Variants in RPGRIP1L observed in about 807,000 individuals in gnomAD.
RPGRIP1L encodes the protein RPGRIP1 like, also known as protein fantom.
A neutral mutation model predicts 160.4 loss-of-function variants in RPGRIP1L; 131 were observed. That is an observed-to-expected ratio of 0.82 (90% CI 0.71 to 0.94). The LOEUF is 0.94. Among genes scored for constraint, RPGRIP1L ranks in the 40% least tolerant of loss-of-function variants. RPGRIP1L has a pLI of 0.00. For missense variants in RPGRIP1L, 1,522 were observed against 1,535.8 expected (o/e 0.99, Z 0.15); for synonymous variants, 510 against 515.8 (o/e 0.99, Z 0.15).
chr16:53,645,729 G>C lies in RPGRIP1L; in HGVS notation c.2579C>G (p.Ser860Cys), dbSNP rs768030202. The change falls in exon 17 of 27, where the codon TCT becomes TGT. Residue 860 changes from serine to cysteine, a missense_variant. Ser to Cys is a moderately radical substitution (Grantham distance 112). Coordinates refer to ENST00000647211, the MANE Select transcript of RPGRIP1L (RefSeq NM_015272.5). The part of the protein sequence containing the change: ...MDLDRYLKSE[S>C]LSFYVFDDSD... ...ATCATCAAAAACATAAAAACTCAGA[G>C]ACTCTGACTTAAGGTATCGATCCAA... is the stretch of plus-strand genomic sequence containing the variant. The C allele has an allele frequency of 1.2e-6, 2 of 1,614,022 alleles. No individual in the cohort carries two copies. Among genetic ancestry groups the C allele is most frequent in the Non-Finnish European group, 1.7e-6 (2 of 1,179,992 alleles).
In RPGRIP1L at chr16:53,658,889, A is replaced by G. The variant is rs759182756; in HGVS notation, c.1244-11T>C. The G allele has an allele frequency of 4.0e-6, 6 of 1,498,882 alleles. No homozygotes were observed. The allele number at this position is 1,498,882 out of a possible 1,614,324, so 92.8% of individuals were successfully genotyped here. A position where few individuals can be genotyped will look rare whatever the true frequency, so the allele number is the denominator to read the frequency against. ...GTTTTTCATTTTGATCTTAAAAATA[A>G]AGTCCACACAATTGGAAAGGTAAGT... On this transcript the variant is annotated splice_polypyrimidine_tract_variant and intron_variant, in intron 10 of 26. Coordinates refer to ENST00000647211, the MANE Select transcript of RPGRIP1L (RefSeq NM_015272.5).
intron 10 of RPGRIP1L, among the ~76,000 whole-genome samples, chr16:53,662,128 A>G (rs1190382676): frequency 1.3e-5 from 2 of 152,160 alleles, no homozygotes; most frequent in East Asian, 3.8e-4. Flanking sequence ...TTCAAATGAG[A>G]TAACATTTCA....
chr16:53,611,072 A>G, intron 24 of RPGRIP1L, 21 bp from the exon 25 acceptor site: 1 of 1,568,356 alleles, frequency 6.4e-7, no homozygotes, highest in South Asian at 1.1e-5. Flanking sequence ...AGAAAAAAAA[A>G]TGCCAAAAAG....
At chr16:53,661,519 A>G (rs1229520334) in intron 10 of RPGRIP1L, among the ~76,000 whole-genome samples, 2 of 152,146 alleles carry the variant, frequency 1.3e-5, no homozygotes, top group African/African-American at 2.4e-5. Context: ...AAAGAAGGCA[A>G]ATATAGTCCG....
chr16:53,668,186 A>T lies in RPGRIP1L; in HGVS notation c.1104-3177T>A, dbSNP rs112203972. Among the ~76,000 whole-genome samples, 26 of 152,150 alleles carry T rather than the reference A, an allele frequency of 1.7e-4. 2 individuals are homozygous for T. Among genetic ancestry groups the T allele is most frequent in the Admixed American group, 5.2e-4 (8 of 15,278 alleles). On this transcript the variant is annotated intron_variant, in intron 9 of 26. Coordinates refer to ENST00000647211, the MANE Select transcript of RPGRIP1L (RefSeq NM_015272.5). ...ATGCCCCAAATGTACTTGGAGTTTG[A>T]TTTCTGGGAAGCATAAGCTGCTCAT...
chr16:53,698,608 G>A (rs1352140298), intron 2 of RPGRIP1L, among the ~76,000 whole-genome samples: 4 of 136,372 alleles, frequency 2.9e-5, no homozygotes, highest in Non-Finnish European at 6.3e-5. Flanking sequence ...CTGCCCGGCC[G>A]CCCCTACTGG....
intron 24 of RPGRIP1L, 147 bp downstream of exon 24, chr16:53,618,878 G>T: frequency 1.3e-6 from 1 of 742,350 alleles, no homozygotes; most frequent in Non-Finnish European, 2.2e-6. Context: ...TATGCTACTG[G>T]TTTGACTTTT....
rs778196818 is a variant in RPGRIP1L at position 53,641,123 on chromosome 16, C to T, written c.2875-7G>A. 2 of 1,607,622 alleles carry T rather than the reference C, an allele frequency of 1.2e-6. No individual in the cohort carries two copies. The highest frequency in any genetic ancestry group is 3.3e-5 in the Admixed American group (2 of 59,970). ...TTGGTTTAGGTCTTGGTGCCTAAGA[C>T]AAACCAACCAATGTGTCAGACTGAG... On this transcript the variant is annotated splice_region_variant and splice_polypyrimidine_tract_variant and intron_variant, in intron 18 of 26. Transcript: ENST00000647211.
At chr16:53,648,659 A>G (rs528962711) in intron 16 of RPGRIP1L, among the ~76,000 whole-genome samples, 2 of 90,100 alleles carry the variant, frequency 2.2e-5, no homozygotes, top group East Asian at 6.3e-4. Context: ...CACACACACA[A>G]AAGTGCATGT....
At chr16:53,678,424 A>G (rs1969353497) in intron 6 of RPGRIP1L, among the ~76,000 whole-genome samples, 1 of 152,178 alleles carries the variant, frequency 6.6e-6, no homozygotes, top group Non-Finnish European at 1.5e-5. Context: ...CTAAAACCTC[A>G]GATACACTGG....
At position 53,645,825 on chromosome 16, in the gene RPGRIP1L, G is replaced by T. The variant is rs755123128; in HGVS notation, c.2483C>A (p.Ala828Asp). The change falls in exon 17 of 27, where the codon GCT becomes GAT. Residue 828 changes from alanine (A) to aspartate (D), a missense_variant. By Grantham distance (126) the Ala-to-Asp change is moderately radical. Coordinates refer to ENST00000647211, the MANE Select transcript of RPGRIP1L (RefSeq NM_015272.5). Reference sequence around the variant, plus strand: ...TGGATCATTGCTACTGGGAATGATAGCTGTATCATGGTCTGCAAAATCAAA... The same window carrying T: ...TGGATCATTGCTACTGGGAATGATATCTGTATCATGGTCTGCAAAATCAAA... ...KFFDFADHDT[A>D]IIPSSNDPQF... The T allele has an allele frequency of 6.2e-7, 1 of 1,614,072 alleles. No individual in the cohort carries two copies. Among genetic ancestry groups the T allele is most frequent in the Admixed American group, 1.7e-5 (1 of 60,006 alleles).
chr16:53,622,029 A>AC (rs1964755397), intron 23 of RPGRIP1L, among the ~76,000 whole-genome samples, 190 bp downstream of exon 23: 1 of 147,554 alleles, frequency 6.8e-6, no homozygotes, highest in East Asian at 2.0e-4. Flanking sequence ...TCTCAAAAAA[A>AC]AAAAAAAAAA....
intron 6 of RPGRIP1L, among the ~76,000 whole-genome samples, chr16:53,685,847 A>G (rs11864898): frequency 0.058 from 8,850 of 152,224 alleles, 450 homozygotes; most frequent in African/African-American, 0.14. Flanking sequence ...CACATCCTGT[A>G]CATGTACCCC....
Position 53,621,797 on chromosome 16 carries a change from C to T in RPGRIP1L, c.3432+422G>A, listed in dbSNP as rs923242132. ...CAGCACTTTGGGAGGCTGAGGTGGG[C>T]GGATCACGAGGTCAGGAGATCGAGA... On this transcript the variant is annotated intron_variant, in intron 23 of 26. Coordinates refer to ENST00000647211, the MANE Select transcript of RPGRIP1L (RefSeq NM_015272.5). Among the ~76,000 whole-genome samples, 17 of 150,816 alleles carry T rather than the reference C, an allele frequency of 1.1e-4. 1 individual carries two copies. Among genetic ancestry groups the T allele is most frequent in the African/African-American group, 1.7e-4 (7 of 40,952 alleles).
chr16:53,617,097 A>AG, intron 24 of RPGRIP1L, among the ~76,000 whole-genome samples: 1 of 149,570 alleles, frequency 6.7e-6, no homozygotes, highest in Non-Finnish European at 1.5e-5. Context: ...AAAAAAAAAA[A>AG]AAGCACAACT....
chr16:53,674,093 A>G (rs1022271404), intron 7 of RPGRIP1L, among the ~76,000 whole-genome samples: 1 of 152,136 alleles, frequency 6.6e-6, no homozygotes, highest in African/African-American at 2.4e-5. Flanking sequence ...TCACTCTCTC[A>G]TCAGTCTCCT....
chr16:53,684,309 C>T (rs1969829936), intron 6 of RPGRIP1L, among the ~76,000 whole-genome samples: 1 of 152,090 alleles, frequency 6.6e-6, no homozygotes, highest in Admixed American at 6.6e-5. Context: ...TTTATTGTGG[C>T]ACTATTCACA....
At chr16:53,625,557 T>G (rs796872671) in intron 22 of RPGRIP1L, among the ~76,000 whole-genome samples, 268 of 144,678 alleles carry the variant, frequency 1.9e-3, no homozygotes, top group African/African-American at 6.5e-3. Flanking sequence ...CACCCCGTCT[T>G]GGGGGTGGGG....
intron 3 of RPGRIP1L, among the ~76,000 whole-genome samples, chr16:53,693,012 G>A (rs532987597): frequency 6.6e-6 from 1 of 152,302 alleles, no homozygotes; most frequent in South Asian, 2.1e-4. Context: ...CATAAATTGT[G>A]CTTTTGACAT....
Sources: gnomAD v4.1 joint callset for allele counts (sites outside exome capture counted in the v4.1 genomes callset) on GRCh38, gnomAD v4.1.1 for gene constraint, MANE v1.5 for transcripts, NCBI Gene and HGNC (gene_info 2026-07-23, HGNC 2026-07-21) for gene names.